The following PBRM1 variants were observed in gnomAD, a reference collection of about 807,000 sequenced individuals.
PBRM1 encodes protein polybromo-1.
Under a neutral mutation model 194.5 loss-of-function variants are expected in PBRM1, and 27 were observed. The observed-to-expected ratio is 0.14, with a 90% CI of 0.10 to 0.19. PBRM1 has a LOEUF of 0.19. Among genes scored for constraint, PBRM1 ranks in the 10% least tolerant of loss-of-function variants. The probability of loss-of-function intolerance (pLI) is 1.00; values close to 1 mark genes in which losing one functional copy is unlikely to be tolerated. For synonymous variants in PBRM1, 655 were observed against 693.2 expected (o/e 0.94, Z 0.87); for missense variants, 1,466 against 2,077.2 (o/e 0.71, Z 5.72).
chr3:52,668,439 G>T, intron 3 of PBRM1, 59 bp downstream of exon 4: 1 of 1,229,196 alleles, frequency 8.1e-7, no homozygotes, highest in Non-Finnish European at 1.1e-6. Flanking sequence ...ATATTAAGAA[G>T]CCAATTATCA....
chr3:52,637,934 G>A (rs1018375279), intron 10 of PBRM1, among the ~76,000 whole-genome samples: 5 of 151,662 alleles, frequency 3.3e-5, no homozygotes, highest in African/African-American at 4.8e-5. Flanking sequence ...CAACAACAGC[G>A]AAACTCCGTC....
intron 26 of PBRM1, among the ~76,000 whole-genome samples, chr3:52,557,438 G>A (rs946790188): frequency 1.3e-5 from 2 of 152,188 alleles, no homozygotes; most frequent in Non-Finnish European, 2.9e-5. Flanking sequence ...AAACACAGGT[G>A]GCTTGTACAG....
intron 8 of PBRM1, among the ~76,000 whole-genome samples, chr3:52,644,120 TAATA>T (rs1274059567): frequency 2.6e-5 from 4 of 151,682 alleles, no homozygotes; most frequent in Non-Finnish European, 4.4e-5. Flanking sequence ...TGTGTAATAT[TAATA>T]TATACCATAT....
At chr3:52,612,321 A>G (rs1462928538) in intron 15 of PBRM1, among the ~76,000 whole-genome samples, 1 of 148,162 alleles carries the variant, frequency 6.7e-6, no homozygotes, top group African/African-American at 2.5e-5. Context: ...CTTTATCTGG[A>G]TTCTACTTTA....
chr3:52,644,646 G>C (rs2153730478), intron 8 of PBRM1, 58 bp downstream of exon 9: 1 of 753,130 alleles, frequency 1.3e-6, no homozygotes, highest in Non-Finnish European at 2.2e-6. Context: ...GCCTCCCAAA[G>C]TGCTGAGATT....
chr3:52,550,306 A>G (rs2080617925), intron 29 of PBRM1, 115 bp downstream of exon 31: 4 of 425,740 alleles, frequency 9.4e-6, no homozygotes, highest in Non-Finnish European at 1.6e-5. Context: ...TATATAATTT[A>G]TTTTAATTGT....
chr3:52,574,906 T>C (rs901471936), intron 22 of PBRM1, among the ~76,000 whole-genome samples: 1 of 152,120 alleles, frequency 6.6e-6, no homozygotes, highest in African/African-American at 2.4e-5. Context: ...ACAACAAAAA[T>C]CTTTTATTTT....
chr3:52,589,851 G>A (rs1245588520), intron 17 of PBRM1, among the ~76,000 whole-genome samples: 4 of 151,658 alleles, frequency 2.6e-5, no homozygotes, highest in Non-Finnish European at 5.9e-5. Context: ...TTTTCGAGAC[G>A]GAGTTTCGCT....
intron 25 of PBRM1, among the ~76,000 whole-genome samples, chr3:52,559,376 C>G (rs1237884556): frequency 6.6e-6 from 1 of 152,248 alleles, no homozygotes; most frequent in East Asian, 1.9e-4. Context: ...AGACTGAACC[C>G]CTACTGAAGA....
chr3:52,622,434 T>A (rs563161673), intron 13 of PBRM1, among the ~76,000 whole-genome samples: 9 of 152,322 alleles, frequency 5.9e-5, no homozygotes, highest in African/African-American at 2.2e-4. Context: ...ATTTTAGAAT[T>A]TCATAGGAAA....
intron 2 of PBRM1, among the ~76,000 whole-genome samples, chr3:52,677,507 G>T (rs918353398): frequency 1.5e-4 from 22 of 149,768 alleles, no homozygotes; most frequent in African/African-American, 5.3e-4. Flanking sequence ...CCACCTCCCG[G>T]GTTCAAGTGA....
At chr3:52,586,257 T>C in intron 20 of PBRM1, 168 bp downstream of exon 22, 1 of 615,064 alleles carries the variant, frequency 1.6e-6, no homozygotes, top group Non-Finnish European at 2.8e-6. Flanking sequence ...AATTATAATG[T>C]ACAGTTTTGA....
chr3:52,664,030 AG>A (rs2096778164), intron 3 of PBRM1, among the ~76,000 whole-genome samples: 1 of 150,654 alleles, frequency 6.6e-6, no homozygotes, highest in African/African-American at 2.4e-5. Context: ...ACTGAACTCC[AG>A]CCTGGGTGAC....
exon 4 of PBRM1, chr3:52,662,253 G>T (rs763677535): frequency 6.2e-7 from 1 of 1,612,740 alleles, no homozygotes; most frequent in Non-Finnish European, 8.5e-7. Context: ...GTTTGCAAGC[G>T]GCTTTATATT....
Position 52,609,813 on chromosome 3 carries a change from A to C in PBRM1, c.2067T>G (p.Ser689=). The change falls in exon 16 of 30, where the codon TCT becomes TCG. Residue 689 remains serine (S), a synonymous_variant. Coordinates refer to ENST00000296302, the Ensembl canonical transcript of PBRM1. The surrounding 1 kb of genome is among the most constrained non-coding windows in gnomAD (Gnocchi z 4.1). ...GATAGTAGTCAGGCAACTCAGATCTAGAGGGAAGCCTCAGAAATATGGCAC... is the reference window on the plus strand; with the variant it reads ...GATAGTAGTCAGGCAACTCAGATCTCGAGGGAAGCCTCAGAAATATGGCAC... The C allele has an allele frequency of 6.2e-7, 1 of 1,613,668 alleles. No individual in the cohort carries two copies. Among genetic ancestry groups the C allele is most frequent in the East Asian group, 2.2e-5 (1 of 44,880 alleles).
chr3:52,657,940 C>A (rs1031368826), intron 5 of PBRM1, among the ~76,000 whole-genome samples: 2 of 151,902 alleles, frequency 1.3e-5, no homozygotes, highest in Admixed American at 1.3e-4. Context: ...TATAGGCATG[C>A]GCCACCACAC....
chr3:52,669,150 T>C (rs1274138412), intron 2 of PBRM1, among the ~76,000 whole-genome samples: 1 of 152,076 alleles, frequency 6.6e-6, no homozygotes, highest in Non-Finnish European at 1.5e-5. Flanking sequence ...TTACTAAAAT[T>C]ACAAGGGAGG....
intron 22 of PBRM1, among the ~76,000 whole-genome samples, chr3:52,575,446 G>C (rs2089204814): frequency 6.9e-6 from 1 of 145,476 alleles, no homozygotes. Context: ...AAAATGAACA[G>C]AAATTGTTCC....
exon 7 of PBRM1, chr3:52,648,419 A>G: frequency 6.2e-7 from 1 of 1,604,688 alleles, no homozygotes; most frequent in Non-Finnish European, 8.5e-7. Context: ...TGGCCATTGC[A>G]TGAATACTTT....
Sources: allele counts gnomAD v4.1 joint callset (sites outside exome capture counted in the v4.1 genomes callset), GRCh38; gene constraint gnomAD v4.1.1; non-coding constraint Gnocchi (gnomAD v3.1); transcripts MANE v1.5; gene names NCBI Gene and HGNC (gene_info 2026-07-23, HGNC 2026-07-21).